Variants in CRADD observed in about 807,000 individuals in gnomAD.
The protein encoded by CRADD is CARD and death domain containing adaptor protein.
A neutral mutation model predicts 15.5 loss-of-function variants in CRADD; 9 were observed. That is an observed-to-expected ratio of 0.58 (90% CI 0.35 to 1.01). The LOEUF is 1.01. Among genes scored for constraint, CRADD ranks in the 50% least tolerant of loss-of-function variants. The probability of loss-of-function intolerance (pLI) is 0.02; values close to 1 mark genes in which losing one functional copy is unlikely to be tolerated. For missense variants in CRADD, 227 were observed against 250.3 expected (o/e 0.91, Z 0.63); for synonymous variants, 118 against 107.6 (o/e 1.10, Z -0.60).
intron 2 of CRADD, among the ~76,000 whole-genome samples, chr12:93,862,786 T>C (rs1436647187): frequency 6.6e-6 from 1 of 152,204 alleles, no homozygotes; most frequent in Non-Finnish European, 1.5e-5. Flanking sequence ...CTCTCTTCCA[T>C]GACACCACCT....
At chr12:93,856,401 A>G (rs774610614) in intron 2 of CRADD, among the ~76,000 whole-genome samples, 5 of 152,248 alleles carry the variant, frequency 3.3e-5, no homozygotes, top group African/African-American at 1.2e-4. Context: ...TGAATAAGCC[A>G]TAGTCTCTGC....
chr12:93,753,448 T>TAA (rs1956852907), intron 2 of CRADD, among the ~76,000 whole-genome samples: 2 of 152,154 alleles, frequency 1.3e-5, no homozygotes, highest in South Asian at 4.1e-4. Context: ...CTTAGCTCAT[T>TAA]TCAGTGTTAA....
intron 2 of CRADD, among the ~76,000 whole-genome samples, chr12:93,700,192 C>T (rs1565877518): frequency 1.3e-5 from 2 of 152,160 alleles, no homozygotes; most frequent in Non-Finnish European, 1.5e-5. Context: ...CCTGCTCCTG[C>T]CCTCAGTATT....
intron 2 of CRADD, among the ~76,000 whole-genome samples, chr12:93,844,914 T>C (rs188831532): frequency 1.3e-5 from 2 of 152,282 alleles, no homozygotes; most frequent in African/African-American, 4.8e-5. Flanking sequence ...GGGTTCCTCC[T>C]AATACAGATC....
At chr12:93,725,776 A>G (rs1486174433) in intron 2 of CRADD, among the ~76,000 whole-genome samples, 1 of 152,196 alleles carries the variant, frequency 6.6e-6, no homozygotes, top group East Asian at 1.9e-4. Flanking sequence ...GAGAATTTGA[A>G]TAGGAAAGTA....
At chr12:93,842,619 G>A (rs548542483) in intron 2 of CRADD, among the ~76,000 whole-genome samples, 26 of 152,268 alleles carry the variant, frequency 1.7e-4, no homozygotes, top group African/African-American at 4.8e-4. Flanking sequence ...GAAAAATTAT[G>A]TGAGAAACTT....
intron 2 of CRADD, among the ~76,000 whole-genome samples, chr12:93,697,058 T>A (rs950666718): frequency 7.2e-5 from 11 of 152,294 alleles, no homozygotes; most frequent in African/African-American, 2.6e-4. Context: ...AAATCTGACA[T>A]GTTTTCTTCA....
chr12:93,755,334 A>G (rs1956877371), intron 2 of CRADD, among the ~76,000 whole-genome samples: 1 of 152,202 alleles, frequency 6.6e-6, no homozygotes, highest in African/African-American at 2.4e-5. Flanking sequence ...TTAGAAGGCC[A>G]CATGTCAGCA....
chr12:93,885,527 T>G (rs896964316), intron 2 of CRADD, among the ~76,000 whole-genome samples: 2 of 151,520 alleles, frequency 1.3e-5, no homozygotes, highest in Non-Finnish European at 2.9e-5. Flanking sequence ...GATTGGAACC[T>G]TCCTCTTCCT....
chr12:93,765,883 A>G (rs1957021922), intron 2 of CRADD, among the ~76,000 whole-genome samples: 1 of 152,000 alleles, frequency 6.6e-6, no homozygotes, highest in Non-Finnish European at 1.5e-5. Flanking sequence ...AAAGACTGTC[A>G]TGTATGATTT....
At chr12:93,729,272 G>C (rs1478829094) in intron 2 of CRADD, among the ~76,000 whole-genome samples, 1 of 152,144 alleles carries the variant, frequency 6.6e-6, no homozygotes, top group Non-Finnish European at 1.5e-5. Context: ...GATGAGATTT[G>C]TAAAAGGCAT....
chr12:93,890,742 T>C (rs933387232), intron 2 of CRADD, among the ~76,000 whole-genome samples: 1 of 151,512 alleles, frequency 6.6e-6, no homozygotes, highest in East Asian at 1.9e-4. Context: ...TTTGTTGTTG[T>C]TGCTTGTTTT....
At chr12:93,813,117 G>A (rs11107200) in intron 2 of CRADD, among the ~76,000 whole-genome samples, 1 of 152,274 alleles carries the variant, frequency 6.6e-6, no homozygotes, top group Admixed American at 6.5e-5. Context: ...TTTGCCAATA[G>A]CTGATAGAGC....
intron 2 of CRADD, among the ~76,000 whole-genome samples, chr12:93,855,968 C>A (rs1958270504): frequency 6.6e-6 from 1 of 152,190 alleles, no homozygotes; most frequent in Admixed American, 6.5e-5. Flanking sequence ...CCACCACGCC[C>A]AGCTAATTTT....
At chr12:93,868,793 C>A (rs1958393345) in intron 2 of CRADD, among the ~76,000 whole-genome samples, 1 of 152,028 alleles carries the variant, frequency 6.6e-6, no homozygotes, top group Non-Finnish European at 1.5e-5. Flanking sequence ...ACATCCACCA[C>A]CTGCAGAAAA....
chr12:93,856,008 A>C (rs1453255795), intron 2 of CRADD, among the ~76,000 whole-genome samples: 1 of 152,120 alleles, frequency 6.6e-6, no homozygotes. Context: ...GGGTTTCGCC[A>C]TACTGGCCAG....
chr12:93,815,340 A>G (rs1283221738), intron 2 of CRADD: 1 of 152,228 alleles, frequency 6.6e-6, no homozygotes, highest in Non-Finnish European at 1.5e-5. Flanking sequence ...ATGATGTTTG[A>G]GTCACTAAGC....
intron 2 of CRADD, among the ~76,000 whole-genome samples, chr12:93,870,732 G>C (rs987349062): frequency 3.9e-5 from 6 of 152,194 alleles, no homozygotes; most frequent in African/African-American, 1.4e-4. Context: ...CCGTTATAGA[G>C]TGGGGATGTC....
chr12:93,871,497 T>A (rs778934231), intron 2 of CRADD, among the ~76,000 whole-genome samples: 4 of 152,126 alleles, frequency 2.6e-5, no homozygotes, highest in Non-Finnish European at 5.9e-5. Flanking sequence ...AAATAGTAGG[T>A]CTTATTCATT....
Sources: allele counts gnomAD v4.1 joint callset (sites outside exome capture counted in the v4.1 genomes callset), GRCh38; gene constraint gnomAD v4.1.1; transcripts MANE v1.5; gene names NCBI Gene and HGNC (gene_info 2026-07-23, HGNC 2026-07-21).